Variants in BTRC observed in about 807,000 individuals in gnomAD.
BTRC encodes the protein beta-transducin repeat containing E3 ubiquitin protein ligase.
Under a neutral mutation model 85.5 loss-of-function variants are expected in BTRC, and 42 were observed. The ratio of observed to expected loss-of-function variants is 0.49; its 90% CI spans 0.38 to 0.64. The LOEUF is 0.64. Among genes scored for constraint, BTRC ranks in the 30% least tolerant of loss-of-function variants. The pLI, the probability that BTRC is intolerant of heterozygous loss-of-function variation, is 0.00. For synonymous variants in BTRC, 255 were observed against 263.3 expected, an observed-to-expected ratio of 0.97 and a Z score of 0.30; for missense variants, 594 against 743.5, an observed-to-expected ratio of 0.80 and a Z score of 2.34.
At chr10:101,420,324 C>T (rs1180213819) in intron 1 of BTRC, among the ~76,000 whole-genome samples, 1 of 152,038 alleles carries the variant, frequency 6.6e-6, no homozygotes, top group African/African-American at 2.4e-5. Flanking sequence ...TCTCTCGCTC[C>T]ATTTCTCACC....
intron 4 of BTRC, among the ~76,000 whole-genome samples, chr10:101,519,766 C>T (rs946691489): frequency 1.3e-5 from 2 of 152,128 alleles, no homozygotes; most frequent in Non-Finnish European, 2.9e-5. Flanking sequence ...GAGGCCAAGG[C>T]GGGCAGCTCA....
At chr10:101,396,045 A>C (rs1943353938) in intron 1 of BTRC, among the ~76,000 whole-genome samples, 1 of 151,882 alleles carries the variant, frequency 6.6e-6, no homozygotes, top group Non-Finnish European at 1.5e-5. Flanking sequence ...TTTGTAGTTG[A>C]TCAAAGTTAT....
intron 2 of BTRC, among the ~76,000 whole-genome samples, chr10:101,433,061 C>T (rs1265533601): frequency 6.6e-6 from 1 of 152,136 alleles, no homozygotes; most frequent in Non-Finnish European, 1.5e-5. Flanking sequence ...AGCAGAGATA[C>T]TCTCACCAGA....
intron 3 of BTRC, among the ~76,000 whole-genome samples, chr10:101,471,974 G>A (rs778965331): frequency 2.0e-5 from 3 of 152,100 alleles, no homozygotes; most frequent in African/African-American, 7.2e-5. Context: ...CCCCTTTGAC[G>A]TATCTTCATC....
intron 4 of BTRC, among the ~76,000 whole-genome samples, chr10:101,504,850 A>G (rs1946479255): frequency 6.6e-6 from 1 of 151,820 alleles, no homozygotes; most frequent in African/African-American, 2.4e-5. Flanking sequence ...GCTCTGATCA[A>G]TTTGATATTA....
chr10:101,414,682 G>T (rs374423939), intron 1 of BTRC: 38 of 516,862 alleles, frequency 7.4e-5, no homozygotes, highest in African/African-American at 6.6e-4. Flanking sequence ...AGCTATGAAG[G>T]TAGAAGACAG....
intron 11 of BTRC, 150 bp from the exon 12 acceptor site, chr10:101,536,393 T>G (rs546649348): frequency 5.9e-6 from 3 of 512,046 alleles, no homozygotes; most frequent in Non-Finnish European, 1.1e-5. Flanking sequence ...AGAAAGGAAA[T>G]AAATTACATT....
chr10:101,487,068 A>G (rs757368920), intron 4 of BTRC, among the ~76,000 whole-genome samples: 1 of 152,208 alleles, frequency 6.6e-6, no homozygotes, highest in Non-Finnish European at 1.5e-5. Context: ...AATAATTTTG[A>G]TTCCTAAGTA....
At chr10:101,507,796 T>A (rs1169470788) in intron 4 of BTRC, among the ~76,000 whole-genome samples, 1 of 152,256 alleles carries the variant, frequency 6.6e-6, no homozygotes, top group East Asian at 1.9e-4. Flanking sequence ...CGGGTATGTC[T>A]GTGCCTATTT....
intron 1 of BTRC, among the ~76,000 whole-genome samples, chr10:101,428,214 T>C (rs747959181): frequency 6.6e-6 from 1 of 152,242 alleles, no homozygotes; most frequent in East Asian, 1.9e-4. Flanking sequence ...GAACAAAATA[T>C]CAAGGTAGGT....
At chr10:101,478,080 A>C (rs1227663524) in intron 3 of BTRC, among the ~76,000 whole-genome samples, 1 of 152,106 alleles carries the variant, frequency 6.6e-6, no homozygotes, top group Non-Finnish European at 1.5e-5. Context: ...CGGGTGGGTC[A>C]CCTGAGGTCA....
chr10:101,552,299 C>T (rs2134489515), intron 14 of BTRC, among the ~76,000 whole-genome samples: 2 of 152,000 alleles, frequency 1.3e-5, no homozygotes, highest in East Asian at 1.9e-4. Flanking sequence ...AGTGATTCTC[C>T]TGCCTCAGCC....
intron 1 of BTRC, among the ~76,000 whole-genome samples, chr10:101,394,376 A>G (rs1458933838): frequency 6.6e-6 from 1 of 152,240 alleles, no homozygotes; most frequent in Admixed American, 6.5e-5. Flanking sequence ...GATGTTGCTT[A>G]AAATCATTGA....
intron 1 of BTRC, among the ~76,000 whole-genome samples, chr10:101,373,271 G>A (rs1204397190): frequency 6.6e-6 from 1 of 152,176 alleles, no homozygotes; most frequent in Admixed American, 6.6e-5. Flanking sequence ...AGAGCACTTA[G>A]TGCTTTAGAG....
intron 1 of BTRC, among the ~76,000 whole-genome samples, chr10:101,424,097 G>C (rs929172895): frequency 1.3e-5 from 2 of 152,106 alleles, no homozygotes; most frequent in Non-Finnish European, 2.9e-5. Context: ...AGTCAGGCGT[G>C]GTGGTGCATG....
chr10:101,527,525 A>G (rs1199500782), intron 6 of BTRC, among the ~76,000 whole-genome samples: 1 of 152,146 alleles, frequency 6.6e-6, no homozygotes, highest in Admixed American at 6.6e-5. Context: ...GGCCAAGGCA[A>G]GAGGATCGTT....
chr10:101,506,549 T>C (rs1946546245), intron 4 of BTRC, among the ~76,000 whole-genome samples: 2 of 152,196 alleles, frequency 1.3e-5, no homozygotes, highest in South Asian at 4.1e-4. Context: ...ATATACCTTG[T>C]TTATTGTCCT....
At chr10:101,376,388 T>C (rs942314777) in intron 1 of BTRC, among the ~76,000 whole-genome samples, 3 of 152,228 alleles carry the variant, frequency 2.0e-5, no homozygotes, top group African/African-American at 7.2e-5. Context: ...TTGGACTCTC[T>C]GAATTCCAAC....
At chr10:101,526,247 A>G in intron 6 of BTRC, 48 bp downstream of exon 6, 2 of 1,533,886 alleles carry the variant, frequency 1.3e-6, no homozygotes, top group Non-Finnish European at 1.8e-6. Flanking sequence ...GGACCTGGCC[A>G]TTCACAGTCA....
Sources: gnomAD v4.1 joint callset for allele counts (sites outside exome capture counted in the v4.1 genomes callset) on GRCh38, gnomAD v4.1.1 for gene constraint, MANE v1.5 for transcripts, NCBI Gene and HGNC (gene_info 2026-07-23, HGNC 2026-07-21) for gene names.